MARCHF1: variants seen among roughly 807,000 people sequenced by gnomAD.
MARCHF1 encodes E3 ubiquitin-protein ligase MARCHF1.
MARCHF1 carries 40 observed loss-of-function variants against 54.2 expected under a neutral mutation model. The observed-to-expected ratio is 0.74, with a 90% CI of 0.57 to 0.96. The LOEUF (loss-of-function observed/expected upper bound fraction) is 0.96, where lower values mean the gene tolerates loss of function less well. Ranked by LOEUF, MARCHF1 falls within the 40% of genes least tolerant of loss-of-function variation. The probability of loss-of-function intolerance (pLI) is 0.00; values close to 1 mark genes in which losing one functional copy is unlikely to be tolerated. For missense variants in MARCHF1, 586 were observed against 656.5 expected (o/e 0.89, Z 1.17); for synonymous variants, 236 against 236.3 (o/e 1.00, Z 0.01).
At chr4:163,837,812 T>G (rs376836076) in intron 4 of MARCHF1, among the ~76,000 whole-genome samples, 1 of 152,146 alleles carries the variant, frequency 6.6e-6, no homozygotes. Context: ...TTTTAGCTAA[T>G]TGACTTCTAT....
intron 1 of MARCHF1, among the ~76,000 whole-genome samples, chr4:164,171,413 C>A (rs1056219727): frequency 1.3e-5 from 2 of 152,020 alleles, no homozygotes; most frequent in African/African-American, 4.8e-5. Context: ...TTGTTTATGT[C>A]TACCCACTTG....
intron 7 of MARCHF1, among the ~76,000 whole-genome samples, chr4:163,593,749 T>A (rs866937750): frequency 6.6e-6 from 1 of 152,170 alleles, no homozygotes; most frequent in African/African-American, 2.4e-5. Context: ...CAAAAATGCA[T>A]TGAATTAGAA....
chr4:164,351,332 G>A (rs1339381109), intron 1 of MARCHF1, among the ~76,000 whole-genome samples: 1 of 151,182 alleles, frequency 6.6e-6, no homozygotes, highest in Non-Finnish European at 1.5e-5. Flanking sequence ...CAAAAAGACA[G>A]CAGTAACCTC....
intron 4 of MARCHF1, among the ~76,000 whole-genome samples, chr4:163,804,492 C>T (rs958661347): frequency 6.6e-6 from 1 of 152,140 alleles, no homozygotes; most frequent in African/African-American, 2.4e-5. Flanking sequence ...TTGTAAACCA[C>T]TGTTCAATAG....
In MARCHF1 at chr4:163,718,072, A is replaced by G. The variant is rs543907789; in HGVS notation, c.112-17209T>C. Among the ~76,000 whole-genome samples the G allele has an allele frequency of 2.0e-4, 31 of 152,280 alleles. No homozygotes were observed. In the East Asian group the frequency reaches 6.0e-3, roughly 29 times the overall value. On this transcript the variant is annotated intron_variant, in intron 4 of 9. Coordinates refer to ENST00000514618, the MANE Select transcript of MARCHF1 (RefSeq NM_001394959.1). ...GGGCAAAGGATTCCCTATTTAATCA[A>G]TGGTGCTGGGAAAACTGGCTAGCCA... is the stretch of plus-strand genomic sequence containing the variant.
Position 164,238,967 on chromosome 4 carries a change from G to A in MARCHF1, c.-322-127305C>T, listed in dbSNP as rs1391197306. ...AAACCTGATATTCTGTTTTACTAGA[G>A]TTAGGATCTCAAGGTTCACAGTTTC... On this transcript the variant is annotated intron_variant, in intron 1 of 9. Coordinates refer to ENST00000514618, the MANE Select transcript of MARCHF1 (RefSeq NM_001394959.1). Among the ~76,000 whole-genome samples, 5 of 152,120 alleles carry A rather than the reference G, an allele frequency of 3.3e-5. No individual in the cohort carries two copies. The East Asian group carries it at 7.7e-4, about 23-fold the overall frequency.
At chr4:164,331,216 AGAG>A (rs1455251234) in intron 1 of MARCHF1, among the ~76,000 whole-genome samples, 1 of 152,190 alleles carries the variant, frequency 6.6e-6, no homozygotes, top group African/African-American at 2.4e-5. Flanking sequence ...AGGCCGAGAC[AGAG>A]GAAATAGAAA....
At chr4:163,892,638 A>T in intron 3 of MARCHF1, among the ~76,000 whole-genome samples, 1 of 151,514 alleles carries the variant, frequency 6.6e-6, no homozygotes, top group East Asian at 1.9e-4. Flanking sequence ...AAATTAAAAA[A>T]AAATAAAAAT....
chr4:163,626,550 G>A (rs1017701792), intron 5 of MARCHF1, among the ~76,000 whole-genome samples: 3 of 152,160 alleles, frequency 2.0e-5, no homozygotes, highest in Non-Finnish European at 4.4e-5. Context: ...TGCTGCAGAA[G>A]ATTCTTTTTT....
chr4:164,101,120 G>T (rs553561839), intron 2 of MARCHF1, among the ~76,000 whole-genome samples: 2 of 152,176 alleles, frequency 1.3e-5, no homozygotes, highest in African/African-American at 2.4e-5. Context: ...CTACGCCCAC[G>T]GAGTCTTGCT....
chr4:163,627,190 G>A (rs1019793525), intron 5 of MARCHF1, among the ~76,000 whole-genome samples: 1 of 152,018 alleles, frequency 6.6e-6, no homozygotes, highest in Admixed American at 6.6e-5. Flanking sequence ...CTCTGCTTGA[G>A]GCCAATGACA....
At chr4:164,275,078 T>C (rs1579681468) in intron 1 of MARCHF1, among the ~76,000 whole-genome samples, 1 of 151,462 alleles carries the variant, frequency 6.6e-6, no homozygotes, top group African/African-American at 2.4e-5. Flanking sequence ...ATTCCTTTAA[T>C]AAAAATATAA....
chr4:163,696,053 G>A (rs7687387), intron 5 of MARCHF1, among the ~76,000 whole-genome samples: 71,775 of 151,790 alleles, frequency 0.47, 17,455 homozygotes, highest in Non-Finnish European at 0.51. Flanking sequence ...CAACTGTAAC[G>A]TATCCAAGGC....
intron 1 of MARCHF1, among the ~76,000 whole-genome samples, chr4:164,245,071 C>T (rs1011046363): frequency 6.6e-6 from 1 of 152,074 alleles, no homozygotes; most frequent in East Asian, 1.9e-4. Context: ...CTATTCCAAT[C>T]AATAGAAAAA....
intron 4 of MARCHF1, among the ~76,000 whole-genome samples, chr4:163,781,211 C>T (rs772447301): frequency 4.6e-5 from 7 of 152,060 alleles, no homozygotes; most frequent in Non-Finnish European, 7.4e-5. Context: ...ATTAGCCAGG[C>T]GTGGTGGCAG....
intron 3 of MARCHF1, among the ~76,000 whole-genome samples, chr4:163,937,082 A>G (rs1751812283): frequency 6.6e-6 from 1 of 152,194 alleles, no homozygotes; most frequent in Non-Finnish European, 1.5e-5. Flanking sequence ...CTAATTGACC[A>G]TAATTTATAC....
In MARCHF1 at chr4:163,740,798, G is replaced by C. The variant is rs541625363; in HGVS notation, c.112-39935C>G. Among the ~76,000 whole-genome samples the C allele has an allele frequency of 3.3e-5, 5 of 152,312 alleles. No homozygotes were observed. The South Asian group carries it at 1.0e-3, about 32-fold the overall frequency. On this transcript the variant is annotated intron_variant, in intron 4 of 9. Coordinates refer to ENST00000514618, the MANE Select transcript of MARCHF1 (RefSeq NM_001394959.1). ...GTAATGCGTTTGAGTTGTTTTTACTGAGTAGGTGAATAGTAGAATGAAGAA... is the reference window on the plus strand; with the variant it reads ...GTAATGCGTTTGAGTTGTTTTTACTCAGTAGGTGAATAGTAGAATGAAGAA...
chr4:164,299,987 G>T (rs886224448), intron 1 of MARCHF1, among the ~76,000 whole-genome samples: 1 of 152,026 alleles, frequency 6.6e-6, no homozygotes, highest in African/African-American at 2.4e-5. Flanking sequence ...AATGTGTTCA[G>T]TTAGAAGAAA....
At chr4:163,745,043 C>A (rs190837938) in intron 4 of MARCHF1, among the ~76,000 whole-genome samples, 1 of 151,964 alleles carries the variant, frequency 6.6e-6, no homozygotes, top group Admixed American at 6.6e-5. Flanking sequence ...AGCAATCTCA[C>A]GCCAGAAGTG....
Sources: allele counts gnomAD v4.1 joint callset (sites outside exome capture counted in the v4.1 genomes callset), GRCh38; gene constraint gnomAD v4.1.1; transcripts MANE v1.5; gene names NCBI Gene and HGNC (gene_info 2026-07-23, HGNC 2026-07-21).